Variants in RELL2 observed in about 807,000 individuals in gnomAD.
RELL2 encodes RELT like 2.
A neutral mutation model predicts 27.5 loss-of-function variants in RELL2; 18 were observed. That is an observed-to-expected ratio of 0.65 (90% confidence interval 0.45 to 0.97). RELL2 has a LOEUF of 0.97. Among genes scored for constraint, RELL2 ranks in the 50% least tolerant of loss-of-function variants. RELL2 has a pLI of 0.00. For synonymous variants in RELL2, 156 were observed against 147.5 expected, an observed-to-expected ratio of 1.06 and a Z score of -0.42; for missense variants, 370 against 397.5, an observed-to-expected ratio of 0.93 and a Z score of 0.59.
intron 5 of RELL2, 30 bp downstream of exon 5, chr5:141,640,325 G>A (rs369105841): frequency 6.8e-6 from 11 of 1,613,972 alleles, no homozygotes; most frequent in Non-Finnish European, 9.3e-6. Flanking sequence ...ACTGCACTGG[G>A]CTGGGCTCTT....
Position 141,641,042 on chromosome 5 carries a change from C to T in RELL2, c.*373C>T. 2.8e-6 allele frequency: 1 copy of T among 351,476 alleles called. No individual in the cohort carries two copies. Among genetic ancestry groups the T allele is most frequent in the Non-Finnish European group, 5.1e-6 (1 of 194,614 alleles). The allele number at this position is 351,476 out of a possible 1,614,324, so 21.8% of individuals were successfully genotyped here. On this transcript the variant is annotated 3_prime_UTR_variant, in exon 7 of 7. Coordinates refer to ENST00000297164, the MANE Select transcript of RELL2 (RefSeq NM_173828.5). Reference sequence around the variant, plus strand: ...GGCCTTCGTGCCCTTTATTCATTGTCAATAAATCCGCTCAGACCATTACAG... The same window carrying T: ...GGCCTTCGTGCCCTTTATTCATTGTTAATAAATCCGCTCAGACCATTACAG...
In RELL2 at chr5:141,638,108, C is replaced by A; in HGVS notation, c.-118C>A. Reference sequence around the variant, plus strand: ...GGGGTGGGGCCGGACCTCAGCCGGACGTCTTAGACGTGCTTGTTTCAGATC... The same window carrying A: ...GGGGTGGGGCCGGACCTCAGCCGGAAGTCTTAGACGTGCTTGTTTCAGATC... On this transcript the variant is annotated 5_prime_UTR_variant, in exon 1 of 7. Coordinates refer to ENST00000297164, the MANE Select transcript of RELL2 (RefSeq NM_173828.5). 1.4e-6 allele frequency: 1 copy of A among 693,600 alleles called. No individual in the cohort carries two copies. The highest frequency in any genetic ancestry group is 2.5e-6 in the Non-Finnish European group (1 of 399,152). 43.0% of individuals were successfully genotyped at this position (693,600 alleles called of 1,614,324 possible). A position where few individuals can be genotyped will look rare whatever the true frequency, so the allele number is the denominator to read the frequency against.
Position 141,639,201 on chromosome 5 carries a change from C to T in RELL2, c.317+180C>T, listed in dbSNP as rs529998555. 1 of 628,086 alleles carries T rather than the reference C, an allele frequency of 1.6e-6. No homozygotes were observed. The highest frequency in any genetic ancestry group is 2.0e-5 in the South Asian group (1 of 50,880). 38.9% of individuals were successfully genotyped at this position (628,086 alleles called of 1,614,324 possible). On this transcript the variant is annotated intron_variant, in intron 3 of 6. Coordinates refer to ENST00000297164, the MANE Select transcript of RELL2 (RefSeq NM_173828.5). This position sits in a 1 kb window ranked among gnomAD's most constrained non-coding sequence, Gnocchi z 4.4. ...GATTCCTTCAAACCATCTCTCTCAT[C>T]TAGATATCATCAAGCCTAACATTCA...
Position 141,640,306 on chromosome 5 carries a change from A to G in RELL2, c.879+11A>G. Reference sequence around the variant, plus strand: ...ACTTCTGATCACCAGGTAGGAAAACACAGCCGGGACTGCACTGGGCTGGGC... The same window carrying G: ...ACTTCTGATCACCAGGTAGGAAAACGCAGCCGGGACTGCACTGGGCTGGGC... On this transcript the variant is annotated intron_variant, in intron 5 of 6. Coordinates refer to ENST00000297164, the MANE Select transcript of RELL2 (RefSeq NM_173828.5). 6.2e-7 allele frequency: 1 copy of G among 1,613,776 alleles called. No homozygotes were observed. Among genetic ancestry groups the G allele is most frequent in the Non-Finnish European group, 8.5e-7 (1 of 1,179,816 alleles).
Sources: allele counts gnomAD v4.1 joint callset, GRCh38; gene constraint gnomAD v4.1.1; non-coding constraint Gnocchi (gnomAD v3.1); transcripts MANE v1.5; gene names NCBI Gene and HGNC (gene_info 2026-07-23, HGNC 2026-07-21).